Variants in THSD7B observed in about 807,000 individuals in gnomAD.
THSD7B encodes thrombospondin type 1 domain containing 7B.
A neutral mutation model predicts 213.6 loss-of-function variants in THSD7B; 138 were observed. The observed-to-expected ratio is 0.65, with a 90% confidence interval of 0.56 to 0.74. The LOEUF (loss-of-function observed/expected upper bound fraction) is 0.74. Among genes scored for constraint, THSD7B ranks in the 30% least tolerant of loss-of-function variants. The pLI is 0.00. For synonymous variants in THSD7B, 742 were observed against 687.0 expected (o/e 1.08, Z -1.25); for missense variants, 1,931 against 1,991.5 (o/e 0.97, Z 0.58).
chr2:137,142,628 T>C (rs1041595039), intron 5 of THSD7B, among the ~76,000 whole-genome samples: 1 of 152,158 alleles, frequency 6.6e-6, no homozygotes, highest in Admixed American at 6.6e-5. Flanking sequence ...ATAATATTTA[T>C]CTTTTCTCAC....
At chr2:136,810,836 C>G (rs1421637595) in intron 1 of THSD7B, among the ~76,000 whole-genome samples, 8 of 152,172 alleles carry the variant, frequency 5.3e-5, no homozygotes, top group African/African-American at 1.7e-4. Context: ...AATGTGATGA[C>G]ATTGTTGTAA....
At chr2:137,458,811 A>G (rs766326824) in intron 15 of THSD7B, among the ~76,000 whole-genome samples, 37 of 152,108 alleles carry the variant, frequency 2.4e-4, no homozygotes, top group Non-Finnish European at 4.1e-4. Flanking sequence ...AAGTGCTTTT[A>G]TTTTATTTGG....
chr2:137,172,085 A>G lies in THSD7B; in HGVS notation c.1723+1147A>G, dbSNP rs1003870966. Among the ~76,000 whole-genome samples the G allele has an allele frequency of 4.6e-5, 7 of 152,140 alleles. No individual in the cohort carries two copies. The South Asian group carries it at 6.2e-4, about 14-fold the overall frequency. On this transcript the variant is annotated intron_variant, in intron 7 of 27. Transcript: ENST00000409968. ...TTCGTATTGCTTTTGTTTGTGTGAT[A>G]TTGTGTTTTCTAATAAGACGTATAT...
intron 27 of THSD7B, among the ~76,000 whole-genome samples, chr2:137,674,569 A>C (rs1683653139): frequency 6.6e-6 from 1 of 152,224 alleles, no homozygotes; most frequent in Non-Finnish European, 1.5e-5. Flanking sequence ...CATCAGTATA[A>C]TTAGAGTCAC....
chr2:137,266,873 G>A (rs1315119618), intron 10 of THSD7B, among the ~76,000 whole-genome samples: 1 of 152,098 alleles, frequency 6.6e-6, no homozygotes, highest in Non-Finnish European at 1.5e-5. Context: ...TAAATTAGTT[G>A]CAAACTTAGT....
At chr2:137,541,330 C>CTCTT (rs1680605804) in intron 15 of THSD7B, among the ~76,000 whole-genome samples, 2 of 151,314 alleles carry the variant, frequency 1.3e-5, no homozygotes, top group Admixed American at 1.3e-4. Context: ...GGTCCAAAAA[C>CTCTT]AAGAAGCAGT....
chr2:137,232,825 C>G, intron 8 of THSD7B, 74 bp from the exon 9 acceptor site: 1 of 1,390,166 alleles, frequency 7.2e-7, no homozygotes, highest in Non-Finnish European at 1.0e-6. Flanking sequence ...CTCTCTAGAC[C>G]ATTAAAGCAG....
chr2:137,238,564 TGA>T (rs1681825031), intron 9 of THSD7B, among the ~76,000 whole-genome samples: 7 of 83,406 alleles, frequency 8.4e-5, no homozygotes, highest in Admixed American at 1.4e-4. Context: ...TTTTTTTTTT[TGA>T]GACGGAGTCT....
intron 7 of THSD7B, among the ~76,000 whole-genome samples, chr2:137,212,061 T>C (rs1229611028): frequency 1.3e-5 from 2 of 152,094 alleles, no homozygotes; most frequent in African/African-American, 4.8e-5. Flanking sequence ...ACTAGTATTT[T>C]TGGTGATGTT....
intron 2 of THSD7B, among the ~76,000 whole-genome samples, chr2:137,002,885 A>G (rs1314059532): frequency 1.3e-5 from 2 of 152,172 alleles, no homozygotes; most frequent in East Asian, 3.9e-4. Flanking sequence ...AGTAGATTTT[A>G]TTTAAAAAAT....
chr2:136,905,473 A>G (rs1055566861), intron 2 of THSD7B, among the ~76,000 whole-genome samples: 2 of 152,212 alleles, frequency 1.3e-5, no homozygotes, highest in African/African-American at 4.8e-5. Flanking sequence ...AATGGAAAAG[A>G]GCTATAATAG....
At chr2:137,481,195 G>T (rs1242497290) in intron 15 of THSD7B, among the ~76,000 whole-genome samples, 1 of 152,260 alleles carries the variant, frequency 6.6e-6, no homozygotes, top group African/African-American at 2.4e-5. Flanking sequence ...CCCAGTCTCA[G>T]GTATTTCGTT....
intron 2 of THSD7B, among the ~76,000 whole-genome samples, chr2:137,009,739 A>G (rs1219932644): frequency 2.0e-5 from 3 of 152,164 alleles, no homozygotes; most frequent in Non-Finnish European, 4.4e-5. Flanking sequence ...ATTATATTCC[A>G]CTGGGTCCCT....
chr2:136,915,643 C>CTCTTAGCACCA (rs1193988211), intron 2 of THSD7B, among the ~76,000 whole-genome samples: 1 of 152,128 alleles, frequency 6.6e-6, no homozygotes, highest in Non-Finnish European at 1.5e-5. Context: ...GAGGTTGGTG[C>CTCTTAGCACCA]TGTTAGCATT....
At chr2:137,169,521 C>A (rs373388541) in intron 6 of THSD7B, among the ~76,000 whole-genome samples, 29 of 152,190 alleles carry the variant, frequency 1.9e-4, no homozygotes, top group African/African-American at 6.5e-4. Flanking sequence ...GTGGGATATG[C>A]AGCTTTCACT....
intron 14 of THSD7B, among the ~76,000 whole-genome samples, chr2:137,445,435 A>C (rs1265453397): frequency 6.6e-6 from 1 of 152,024 alleles, no homozygotes; most frequent in East Asian, 1.9e-4. Flanking sequence ...AGAGAATGAA[A>C]TTGACATCCT....
At chr2:136,792,605 G>T (rs2104915194) in intron 1 of THSD7B, among the ~76,000 whole-genome samples, 1 of 152,074 alleles carries the variant, frequency 6.6e-6, no homozygotes, top group East Asian at 1.9e-4. Context: ...TGTGCTGATG[G>T]GGAGACAGGG....
At chr2:137,104,706 TA>T (rs1475045111) in intron 4 of THSD7B, among the ~76,000 whole-genome samples, 1 of 151,760 alleles carries the variant, frequency 6.6e-6, no homozygotes, top group African/African-American at 2.4e-5. Flanking sequence ...ATAGACATAA[TA>T]AAAAATGATA....
intron 12 of THSD7B, among the ~76,000 whole-genome samples, chr2:137,362,038 G>T (rs1685274918): frequency 6.6e-6 from 1 of 152,146 alleles, no homozygotes; most frequent in African/African-American, 2.4e-5. Flanking sequence ...GGATCTCTCG[G>T]TAGAAACTCT....
Sources: gnomAD v4.1 joint callset for allele counts (sites outside exome capture counted in the v4.1 genomes callset) on GRCh38, gnomAD v4.1.1 for gene constraint, MANE v1.5 for transcripts, NCBI Gene and HGNC (gene_info 2026-07-23, HGNC 2026-07-21) for gene names.